The following PPM1H variants were observed in gnomAD, a reference collection of about 807,000 sequenced individuals.
The protein encoded by PPM1H is protein phosphatase, Mg2+/Mn2+ dependent 1H.
Under a neutral mutation model 54.9 loss-of-function variants are expected in PPM1H, and 27 were observed. The observed-to-expected ratio is 0.49, with a 90% CI of 0.36 to 0.68. PPM1H has a LOEUF of 0.68. Ranked by LOEUF, PPM1H falls within the 30% of genes least tolerant of loss-of-function variation. PPM1H has a pLI of 0.00. For missense variants in PPM1H, 596 were observed against 667.8 expected (o/e 0.89, Z 1.19); for synonymous variants, 305 against 270.8 (o/e 1.13, Z -1.24).
chr12:62,667,539 A>G (rs993762073), intron 8 of PPM1H, among the ~76,000 whole-genome samples: 1 of 152,178 alleles, frequency 6.6e-6, no homozygotes, highest in African/African-American at 2.4e-5. Flanking sequence ...CCTAATACAC[A>G]TTTGTGAATG....
intron 1 of PPM1H, among the ~76,000 whole-genome samples, chr12:62,887,815 C>A (rs1870644663): frequency 1.3e-5 from 2 of 152,114 alleles, no homozygotes; most frequent in Non-Finnish European, 2.9e-5. Context: ...CAAGGAGGTA[C>A]CCACTGGCAA....
intron 6 of PPM1H, among the ~76,000 whole-genome samples, chr12:62,709,052 T>A (rs187897788): frequency 6.7e-4 from 102 of 152,272 alleles, no homozygotes; most frequent in African/African-American, 2.3e-3. Flanking sequence ...AAGTTCCCCA[T>A]GAGCTGACTC....
At chr12:62,877,953 A>C (rs574891841) in intron 1 of PPM1H, among the ~76,000 whole-genome samples, 2 of 152,306 alleles carry the variant, frequency 1.3e-5, no homozygotes, top group East Asian at 3.9e-4. Flanking sequence ...GCTGGAGTGC[A>C]GTAGCACAAT....
At chr12:62,691,875 A>C (rs1032049382) in intron 7 of PPM1H, among the ~76,000 whole-genome samples, 3 of 151,530 alleles carry the variant, frequency 2.0e-5, no homozygotes, top group Non-Finnish European at 2.9e-5. Flanking sequence ...GGGAGGCTGG[A>C]CTGGCTCCCT....
At chr12:62,734,508 A>C (rs1047370957) in intron 5 of PPM1H, among the ~76,000 whole-genome samples, 3 of 145,026 alleles carry the variant, frequency 2.1e-5, no homozygotes, top group African/African-American at 8.6e-5. Flanking sequence ...ACATACACTT[A>C]CGTGAGATCT....
chr12:62,654,722 C>T (rs563229307), intron 9 of PPM1H, among the ~76,000 whole-genome samples: 25 of 152,282 alleles, frequency 1.6e-4, no homozygotes, highest in Middle Eastern at 3.4e-3. Context: ...ATGGATTCGC[C>T]GCTGCTAACC....
At chr12:62,914,542 G>T (rs1465187148) in intron 1 of PPM1H, among the ~76,000 whole-genome samples, 1 of 152,218 alleles carries the variant, frequency 6.6e-6, no homozygotes, top group Non-Finnish European at 1.5e-5. Flanking sequence ...ACATCTGTGG[G>T]AGAGGGAAGG....
rs1335172264 is a variant in PPM1H at position 62,844,052 on chromosome 12, A to G, written c.246-11773T>C. Among the ~76,000 whole-genome samples the G allele has an allele frequency of 6.6e-6, 1 of 152,246 alleles. No individual in the cohort carries two copies. The highest frequency in any genetic ancestry group is 1.5e-5 in the Non-Finnish European group (1 of 68,038). On this transcript the variant is annotated intron_variant, in intron 1 of 9. Coordinates refer to ENST00000228705, the MANE Select transcript of PPM1H (RefSeq NM_020700.2). The surrounding 1 kb of genome is among the most constrained non-coding windows in gnomAD (Gnocchi z 5.2). ...GATTTCTCTACCCTAAGGAAGCTAGAAAGTACAATAAGACTTTGCCTTTGT... is the reference window on the plus strand; with the variant it reads ...GATTTCTCTACCCTAAGGAAGCTAGGAAGTACAATAAGACTTTGCCTTTGT...
At chr12:62,804,351 C>CAAAAA (rs371143962) in intron 2 of PPM1H, among the ~76,000 whole-genome samples, 1 of 137,622 alleles carries the variant, frequency 7.3e-6, no homozygotes, top group African/African-American at 3.0e-5. Context: ...GACCCTGTCT[C>CAAAAA]AAAAAAAAAA....
At chr12:62,817,757 G>C (rs145171258) in intron 2 of PPM1H, among the ~76,000 whole-genome samples, 9 of 152,074 alleles carry the variant, frequency 5.9e-5, no homozygotes, top group Non-Finnish European at 1.2e-4. Context: ...ACCTCAGTTC[G>C]GAAAGTTGAA....
intron 2 of PPM1H, among the ~76,000 whole-genome samples, chr12:62,811,994 T>C (rs1840173904): frequency 6.6e-6 from 1 of 152,230 alleles, no homozygotes; most frequent in Admixed American, 6.5e-5. Context: ...ACAGATAGTT[T>C]AAGTAACTCT....
intron 1 of PPM1H, among the ~76,000 whole-genome samples, chr12:62,886,334 A>G (rs1298497055): frequency 6.6e-6 from 1 of 152,236 alleles, no homozygotes; most frequent in African/African-American, 2.4e-5. Context: ...TTACAAAACT[A>G]TGTACTATGC....
Position 62,794,833 on chromosome 12 carries a change from CAATATA to C in PPM1H, c.757-6501_757-6496del, listed in dbSNP as rs556432690. On this transcript the variant is annotated intron_variant, in intron 3 of 9. Coordinates refer to ENST00000228705, the MANE Select transcript of PPM1H (RefSeq NM_020700.2). The stretch of plus-strand genomic sequence containing the variant: ...ATACCTATTGTCCTGGGCCAAGCGA[CAATATA>C]AATATAATAGGTGACAAAACAGAGC... 8.9e-3 allele frequency among the ~76,000 whole-genome samples: 1,358 copies of C among 152,218 alleles called. 7 individuals are homozygous for C. The highest frequency in any genetic ancestry group is 0.014 in the South Asian group (66 of 4,822).
chr12:62,657,886 GGA>G (rs1260602591), intron 9 of PPM1H, among the ~76,000 whole-genome samples: 5 of 152,114 alleles, frequency 3.3e-5, no homozygotes, highest in African/African-American at 1.2e-4. Flanking sequence ...AGGAGAGCAT[GGA>G]TGTGAAGACT....
At chr12:62,923,577 T>C (rs1871872219) in intron 1 of PPM1H, among the ~76,000 whole-genome samples, 1 of 152,128 alleles carries the variant, frequency 6.6e-6, no homozygotes, top group South Asian at 2.1e-4. Context: ...AATTTTTGTA[T>C]TTTAAGTAGT....
intron 1 of PPM1H, among the ~76,000 whole-genome samples, chr12:62,919,809 G>T (rs1871736348): frequency 6.6e-6 from 1 of 152,120 alleles, no homozygotes; most frequent in East Asian, 1.9e-4. Flanking sequence ...AGGTGGCAAG[G>T]CTTCAGGTGG....
At chr12:62,742,119 CT>C (rs1486710713) in intron 4 of PPM1H, among the ~76,000 whole-genome samples, 2 of 151,980 alleles carry the variant, frequency 1.3e-5, no homozygotes, top group African/African-American at 2.4e-5. Flanking sequence ...ACCATGTTTA[CT>C]TTGTTTTTTA....
At chr12:62,751,386 C>T (rs2076441540) in intron 4 of PPM1H, among the ~76,000 whole-genome samples, 1 of 152,130 alleles carries the variant, frequency 6.6e-6, no homozygotes, top group Non-Finnish European at 1.5e-5. Context: ...GTATTTTAGC[C>T]TGAGGGAAAG....
Position 62,659,195 on chromosome 12 carries a change from T to C in PPM1H, c.1397+7983A>G, listed in dbSNP as rs1297740156. The C allele has an allele frequency of 4.3e-5, 29 of 677,544 alleles. No individual in the cohort carries two copies. The East Asian group carries it at 7.8e-4, about 18-fold the overall frequency. The allele number at this position is 677,544 out of a possible 1,614,324, so 42.0% of individuals were successfully genotyped here. A position where few individuals can be genotyped will look rare whatever the true frequency, so the allele number is the denominator to read the frequency against. On this transcript the variant is annotated intron_variant, in intron 9 of 9. Transcript: ENST00000228705. ...TGGCCATCAGAGTCACCAACCCCAATGCCAGGCTGTGCAGCGAAGAAAATG... is the reference window on the plus strand; with the variant it reads ...TGGCCATCAGAGTCACCAACCCCAACGCCAGGCTGTGCAGCGAAGAAAATG...
Sources: allele counts gnomAD v4.1 joint callset (sites outside exome capture counted in the v4.1 genomes callset), GRCh38; gene constraint gnomAD v4.1.1; non-coding constraint Gnocchi (gnomAD v3.1); transcripts MANE v1.5; gene names NCBI Gene and HGNC (gene_info 2026-07-23, HGNC 2026-07-21).